Variants in CLIC5 observed in about 807,000 individuals in gnomAD.
CLIC5 encodes chloride intracellular channel protein 5.
CLIC5 carries 20 observed loss-of-function variants against 24.7 expected under a neutral mutation model. That is an observed-to-expected ratio of 0.81 (90% CI 0.57 to 1.18). The LOEUF is 1.18. CLIC5 is among the 50% of genes most tolerant of loss of function. The probability of loss-of-function intolerance (pLI) is 0.00; values close to 1 mark genes in which losing one functional copy is unlikely to be tolerated. For missense variants in CLIC5, 341 were observed against 326.1 expected (o/e 1.05, Z -0.35); for synonymous variants, 159 against 135.6 (o/e 1.17, Z -1.20).
downstream of CLIC5, among the ~76,000 whole-genome samples, chr6:45,896,153 T>G (rs748495055): frequency 1.3e-5 from 2 of 152,168 alleles, no homozygotes; most frequent in Non-Finnish European, 2.9e-5. Flanking sequence ...ACCTATATAA[T>G]GTAAATCGAC....
At chr6:46,079,561 T>C in intron 1 of CLIC5, 1 of 691,586 alleles carries the variant, frequency 1.4e-6, no homozygotes, top group Non-Finnish European at 2.4e-6. Flanking sequence ...TAATGACTGA[T>C]TTAGTCCCTC....
the CLIC5 span, among the ~76,000 whole-genome samples, chr6:46,111,989 TG>T: frequency 1.3e-5 from 2 of 152,258 alleles, no homozygotes; most frequent in African/African-American, 4.8e-5. Context: ...CGTGGAATTG[TG>T]GGTCAATAAA....
At position 45,991,741 on chromosome 6, in the gene CLIC5, C is replaced by T. The variant is rs112154056; in HGVS notation, c.63+23739G>A. ...TGAGGGAAGGAAAAGAAAGCTTCCT[C>T]AGATACATCTGGGAGTGGGTATGTG... On this transcript the variant is annotated intron_variant, in intron 1 of 5. Coordinates refer to ENST00000339561, the MANE Select transcript of CLIC5 (RefSeq NM_016929.5). 7.4e-3 allele frequency among the ~76,000 whole-genome samples: 1,128 copies of T among 152,202 alleles called. 13 individuals carry two copies. Among genetic ancestry groups the T allele is most frequent in the African/African-American group, 0.026 (1,083 of 41,530 alleles).
At chr6:45,897,901 G>A (rs1762415441), downstream of CLIC5, among the ~76,000 whole-genome samples, 1 of 151,798 alleles carries the variant, frequency 6.6e-6, no homozygotes, top group Non-Finnish European at 1.5e-5. Context: ...GGAAATATGA[G>A]ACACTGAAAG....
intron 4 of CLIC5, among the ~76,000 whole-genome samples, chr6:45,919,470 C>T (rs1248526450): frequency 4.6e-5 from 7 of 152,182 alleles, no homozygotes. Context: ...TCTTAACATG[C>T]TCTAGTTCCC....
upstream of CLIC5, among the ~76,000 whole-genome samples, chr6:46,017,373 A>C (rs925782533): frequency 5.3e-5 from 8 of 152,250 alleles, no homozygotes; most frequent in Admixed American, 5.2e-4. Context: ...TGAGCACTTT[A>C]CATGTGTGAA....
At chr6:45,939,107 C>T (rs530469332) in intron 4 of CLIC5, among the ~76,000 whole-genome samples, 1 of 152,120 alleles carries the variant, frequency 6.6e-6, no homozygotes, top group Non-Finnish European at 1.5e-5. Context: ...CTTGCCTCTT[C>T]CAGCTTCCGG....
At chr6:45,932,490 G>A (rs371723819) in intron 4 of CLIC5, among the ~76,000 whole-genome samples, 31 of 152,286 alleles carry the variant, frequency 2.0e-4, no homozygotes, top group Middle Eastern at 3.4e-3. Context: ...TGCTTAATAC[G>A]TTTACTTTAA....
rs768137937 is a variant in CLIC5, at chr6:45,902,414, A to G, written c.*674T>C. ...CCTTTTCTGGCAGGGCCTGGACGGC[A>G]TGGAAGCCAGGGACAGCATGGGCCA... On this transcript the variant is annotated 3_prime_UTR_variant, in exon 6 of 6. Transcript: ENST00000339561. 9.8e-5 allele frequency: 15 copies of G among 152,970 alleles called. No homozygotes were observed. Among genetic ancestry groups the G allele is most frequent in the Non-Finnish European group, 2.2e-4 (15 of 68,304 alleles). 9.5% of individuals were successfully genotyped at this position (152,970 alleles called of 1,614,324 possible). A position where few individuals can be genotyped will look rare whatever the true frequency, so the allele number is the denominator to read the frequency against.
intron 1 of CLIC5, among the ~76,000 whole-genome samples, chr6:46,022,268 C>T (rs181016790): frequency 2.6e-5 from 4 of 152,282 alleles, no homozygotes. Context: ...CTACCCACTA[C>T]CGGAGTGCAA....
chr6:46,118,241 C>A, the CLIC5 span, among the ~76,000 whole-genome samples: 1 of 152,232 alleles, frequency 6.6e-6, no homozygotes, highest in Non-Finnish European at 1.5e-5. Flanking sequence ...ATGTTATAAA[C>A]ATCTTTGAAC....
At chr6:46,009,913 G>T (rs1766743088) in intron 1 of CLIC5, among the ~76,000 whole-genome samples, 3 of 152,164 alleles carry the variant, frequency 2.0e-5, no homozygotes, top group Admixed American at 1.3e-4. Flanking sequence ...CAGTTACCCT[G>T]TAGTCAGTCC....
At chr6:45,989,276 C>T (rs1765847185) in intron 1 of CLIC5, among the ~76,000 whole-genome samples, 1 of 152,140 alleles carries the variant, frequency 6.6e-6, no homozygotes, top group Non-Finnish European at 1.5e-5. Flanking sequence ...CCTGAGACAC[C>T]CTTTTCCAGC....
chr6:46,032,901 C>T (rs1406585316), intron 1 of CLIC5, among the ~76,000 whole-genome samples: 1 of 151,534 alleles, frequency 6.6e-6, no homozygotes, highest in Non-Finnish European at 1.5e-5. Flanking sequence ...AGCAGAATCA[C>T]TTAGGGAGCT....
chr6:46,023,267 T>C (rs766909320), intron 1 of CLIC5, among the ~76,000 whole-genome samples: 12 of 152,172 alleles, frequency 7.9e-5, no homozygotes, highest in Non-Finnish European at 1.5e-4. Context: ...TGTTGGGAAC[T>C]CTGAAGTCCT....
At chr6:45,983,521 A>G (rs559018133) in intron 1 of CLIC5, among the ~76,000 whole-genome samples, 1 of 152,106 alleles carries the variant, frequency 6.6e-6, no homozygotes, top group Non-Finnish European at 1.5e-5. Context: ...CGCTCTGGCT[A>G]CCCTGCTCCT....
chr6:46,102,521 T>G, the CLIC5 span: 4 of 152,246 alleles, frequency 2.6e-5, no homozygotes, highest in African/African-American at 9.6e-5. Flanking sequence ...GAAAAGGGAT[T>G]CTGGTTTTTA....
At chr6:45,942,631 A>G (rs932469784) in intron 3 of CLIC5, among the ~76,000 whole-genome samples, 3 of 152,244 alleles carry the variant, frequency 2.0e-5, no homozygotes, top group Non-Finnish European at 4.4e-5. Flanking sequence ...CTTACGTTTA[A>G]AAAGCAAAAT....
upstream of CLIC5, among the ~76,000 whole-genome samples, chr6:46,084,945 C>G (rs1343819580): frequency 3.3e-5 from 5 of 152,154 alleles, no homozygotes. Flanking sequence ...TCACATAGTC[C>G]AATATTTCTT....
Sources: allele counts gnomAD v4.1 joint callset (sites outside exome capture counted in the v4.1 genomes callset), GRCh38; gene constraint gnomAD v4.1.1; transcripts MANE v1.5; gene names NCBI Gene and HGNC (gene_info 2026-07-23, HGNC 2026-07-21).